Variants in IGF2 observed in about 807,000 individuals in gnomAD.
The protein encoded by IGF2 is insulin-like growth factor 2.
In IGF2, 2 loss-of-function variants were observed where a neutral mutation model predicts 12.0. The ratio of observed to expected loss-of-function variants is 0.17; its 90% CI spans 0.07 to 0.52. The LOEUF is 0.52. Among genes scored for constraint, IGF2 ranks in the 20% least tolerant of loss-of-function variants. The pLI, the probability that IGF2 is intolerant of heterozygous loss-of-function variation, is 0.95. For missense variants in IGF2, 211 were observed against 268.0 expected, an observed-to-expected ratio of 0.79 and a Z score of 1.48; for synonymous variants, 105 against 110.1, an observed-to-expected ratio of 0.95 and a Z score of 0.29.
At position 2,138,488 on chromosome 11, in the gene IGF2, G is replaced by A; in HGVS notation, c.-266C>T. 1.1e-6 allele frequency: 1 copy of A among 935,152 alleles called. No homozygotes were observed. The highest frequency in any genetic ancestry group is 1.2e-4 in the East Asian group (1 of 8,250). 57.9% of individuals were successfully genotyped at this position (935,152 alleles called of 1,614,324 possible). A position where few individuals can be genotyped will look rare whatever the true frequency, so the allele number is the denominator to read the frequency against. ...TACTTTTCGGGGGGGAAAAGGTATC[G>A]GGAAATGAGGTCAGCTGTTGTATCA... On this transcript the variant is annotated 5_prime_UTR_variant, in exon 1 of 4. Transcript: ENST00000416167.
intron 1 of IGF2, among the ~76,000 whole-genome samples, chr11:2,136,487 G>T (rs532917379): frequency 5.3e-5 from 8 of 152,370 alleles, no homozygotes; most frequent in African/African-American, 1.9e-4. Context: ...CAGGGCCACA[G>T]GGCCGGGTTA....
At chr11:2,147,145 G>C in the IGF2 span, 55,388 of 154,558 alleles carry the variant, frequency 0.36, 10,148 homozygotes, top group African/African-American at 0.39. This position sits in a 1 kb window ranked among gnomAD's most constrained non-coding sequence, Gnocchi z 7.2. Context: ...GGGAGAACCC[G>C]GGGGTCTCAC....
At chr11:2,136,076 A>T (rs1375430678) in intron 1 of IGF2, among the ~76,000 whole-genome samples, 1 of 152,210 alleles carries the variant, frequency 6.6e-6, no homozygotes, top group East Asian at 1.9e-4. Flanking sequence ...CCCTCAAAGC[A>T]GCAGGCCAGT....
At chr11:2,141,560 C>G (rs1859599597), upstream of IGF2, among the ~76,000 whole-genome samples, 1 of 152,114 alleles carries the variant, frequency 6.6e-6, no homozygotes. Context: ...TGCCGTAGAG[C>G]CATATTACGT....
At position 2,136,365 on chromosome 11, in the gene IGF2, CG is replaced by C. The variant is rs556761573; in HGVS notation, c.-6-837del. Reference sequence around the variant, plus strand: ...CCTATTTGCGCTACCAAACTCTCCCCGTGGGAGCTGGAGAGACCAGCTCAGG... The same window carrying C: ...CCTATTTGCGCTACCAAACTCTCCCCTGGGAGCTGGAGAGACCAGCTCAGG... On this transcript the variant is annotated intron_variant, in intron 1 of 3. Coordinates refer to ENST00000416167, the MANE Select transcript of IGF2 (RefSeq NM_000612.6). 1.8e-4 allele frequency among the ~76,000 whole-genome samples: 27 copies of C among 152,370 alleles called. No homozygotes were observed. In the East Asian group the frequency reaches 3.9e-3, roughly 22 times the overall value.
At position 2,133,361 on chromosome 11, in the gene IGF2, G is replaced by A; in HGVS notation, c.307-138C>T. On this transcript the variant is annotated intron_variant, in intron 3 of 3. Transcript: ENST00000416167. The surrounding 1 kb of genome is among the most constrained non-coding windows in gnomAD (Gnocchi z 8.9). ...GTCCACGGGCAGAGGGACAGAAGGAGCCAGCGTCTGAGCTGCTCCCGGGCC... is the reference window on the plus strand; with the variant it reads ...GTCCACGGGCAGAGGGACAGAAGGAACCAGCGTCTGAGCTGCTCCCGGGCC... 9.9e-7 allele frequency: 1 copy of A among 1,009,042 alleles called. No homozygotes were observed. Among genetic ancestry groups the A allele is most frequent in the South Asian group, 1.7e-5 (1 of 59,140 alleles). The allele number at this position is 1,009,042 out of a possible 1,614,324, so 62.5% of individuals were successfully genotyped here. A position where few individuals can be genotyped will look rare whatever the true frequency, so the allele number is the denominator to read the frequency against.
In IGF2 at chr11:2,131,703, TGTGTGTGCTGTGTTC is replaced by T. The variant is rs1448018497; in HGVS notation, c.*1269_*1283del. The T allele has an allele frequency of 2.7e-5, 6 of 219,690 alleles. No homozygotes were observed. Among genetic ancestry groups the T allele is most frequent in the East Asian group, 6.4e-5 (1 of 15,710 alleles). 13.6% of individuals were successfully genotyped at this position (219,690 alleles called of 1,614,324 possible). A position where few individuals can be genotyped will look rare whatever the true frequency, so the allele number is the denominator to read the frequency against. On this transcript the variant is annotated 3_prime_UTR_variant, in exon 4 of 4. Transcript: ENST00000416167. ...GTGTGTGCTGTGTTTGTGTGTGTGC[TGTGTGTGCTGTGTTC>T]GTGTGTGCTGTGTTCGCGTGTGTGT...
chr11:2,139,582 G>GT (rs1345830514), upstream of IGF2, among the ~76,000 whole-genome samples: 3 of 147,442 alleles, frequency 2.0e-5, no homozygotes, highest in African/African-American at 4.9e-5. Context: ...GCCCCGGGGG[G>GT]GGGGCGGCGG....
rs776374257 is a variant in IGF2 at position 2,129,219 on chromosome 11, T to A, written c.*3768A>T. 1 of 200,048 alleles carries A rather than the reference T, an allele frequency of 5.0e-6. No homozygotes were observed. The highest frequency in any genetic ancestry group is 1.0e-5 in the Non-Finnish European group (1 of 96,968). The allele number at this position is 200,048 out of a possible 1,614,324, so 12.4% of individuals were successfully genotyped here. ...AAATATTAGCGTTAAAGGAGTTGAG[T>A]TGAGTCAAACACGGGCCGCAAGGTG... On this transcript the variant is annotated 3_prime_UTR_variant, in exon 4 of 4. Transcript: ENST00000416167. This position sits in a 1 kb window ranked among gnomAD's most constrained non-coding sequence, Gnocchi z 8.1.
Position 2,135,545 on chromosome 11 carries a change from A to G in IGF2, c.-6-16T>C, listed in dbSNP as rs766269914. On this transcript the variant is annotated splice_polypyrimidine_tract_variant and intron_variant, in intron 1 of 3. Coordinates refer to ENST00000416167, the MANE Select transcript of IGF2 (RefSeq NM_000612.6). ...CCATTGGTGTCTGGGGGCGGGAGAG[A>G]AGTGGCGTGAGCGGGGCAGCCAGGC... is the stretch of plus-strand genomic sequence containing the variant. The G allele has an allele frequency of 1.9e-5, 31 of 1,609,290 alleles. No individual in the cohort carries two copies. Among genetic ancestry groups the G allele is most frequent in the Non-Finnish European group, 2.5e-5 (30 of 1,177,070 alleles).
the IGF2 span, chr11:2,147,633 T>A: frequency 8.0e-7 from 1 of 1,242,468 alleles, no homozygotes; most frequent in East Asian, 3.0e-5. The surrounding 1 kb of genome is among the most constrained non-coding windows in gnomAD (Gnocchi z 7.2). Flanking sequence ...AGCGCTGGGG[T>A]CGCCTGGGCC....
upstream of IGF2, among the ~76,000 whole-genome samples, chr11:2,145,060 C>T (rs1013845117): frequency 8.5e-5 from 13 of 152,060 alleles, no homozygotes; most frequent in African/African-American, 3.1e-4. Context: ...GAACAAGACA[C>T]GTGGGAATGT....
At chr11:2,146,928 T>A in the IGF2 span, 1 of 157,114 alleles carries the variant, frequency 6.4e-6, no homozygotes, top group African/African-American at 2.4e-5. Context: ...CTTTCACCCC[T>A]CTTGCACACG....
At chr11:2,135,556 G>A (rs1171883482) in intron 1 of IGF2, 27 bp from the exon 2 acceptor site, 1 of 1,601,842 alleles carries the variant, frequency 6.2e-7, no homozygotes, top group South Asian at 1.1e-5. Flanking sequence ...AGTGGCGTGA[G>A]CGGGGCAGCC....
At chr11:2,135,243 A>C (rs1858920562) in intron 2 of IGF2, 124 bp downstream of exon 2, 3 of 872,110 alleles carry the variant, frequency 3.4e-6, no homozygotes, top group African/African-American at 1.7e-5. Context: ...GGAAGGTCAA[A>C]GTCTCAGAGC....
chr11:2,138,018 C>T (rs3741213), intron 1 of IGF2, among the ~76,000 whole-genome samples: 5 of 151,824 alleles, frequency 3.3e-5, no homozygotes, highest in Admixed American at 2.0e-4. Context: ...CCCCCAGCTC[C>T]GCCGCCAGGG....
At chr11:2,147,875 C>A in the IGF2 span, 11 of 1,147,662 alleles carry the variant, frequency 9.6e-6, no homozygotes, top group African/African-American at 1.3e-4. This position sits in a 1 kb window ranked among gnomAD's most constrained non-coding sequence, Gnocchi z 7.2. Flanking sequence ...TCCCCATACA[C>A]CCCAAGCCTG....
Position 2,133,855 on chromosome 11 carries a change from G to A in IGF2, c.158-190C>T, listed in dbSNP as rs1858801570. 6.6e-6 allele frequency among the ~76,000 whole-genome samples: 1 copy of A among 152,234 alleles called. No homozygotes were observed. Among genetic ancestry groups the A allele is most frequent in the Non-Finnish European group, 1.5e-5 (1 of 68,038 alleles). On this transcript the variant is annotated intron_variant, in intron 2 of 3. Transcript: ENST00000416167. The surrounding 1 kb of genome is among the most constrained non-coding windows in gnomAD (Gnocchi z 8.9). Reference sequence around the variant, plus strand: ...TCCCAGGAAGAAGAGAGGTGAGAGGGGAGGTGAGTGGGACCCAGACCAGCC... The same window carrying A: ...TCCCAGGAAGAAGAGAGGTGAGAGGAGAGGTGAGTGGGACCCAGACCAGCC...
chr11:2,144,037 C>T (rs953412966), upstream of IGF2, among the ~76,000 whole-genome samples: 1 of 152,148 alleles, frequency 6.6e-6, no homozygotes, highest in Non-Finnish European at 1.5e-5. Flanking sequence ...CGCGCACGGC[C>T]GGCTGAAATT....
Sources: allele counts gnomAD v4.1 joint callset (sites outside exome capture counted in the v4.1 genomes callset), GRCh38; gene constraint gnomAD v4.1.1; non-coding constraint Gnocchi (gnomAD v3.1); transcripts MANE v1.5; gene names NCBI Gene and HGNC (gene_info 2026-07-23, HGNC 2026-07-21).